Variants in SYT1 observed in about 807,000 individuals in gnomAD.
The protein encoded by SYT1 is synaptotagmin-1.
A neutral mutation model predicts 44.8 loss-of-function variants in SYT1; 8 were observed. That is an observed-to-expected ratio of 0.18 (90% CI 0.10 to 0.32). SYT1 has a LOEUF of 0.32. Ranked by LOEUF, SYT1 falls within the 10% of genes least tolerant of loss-of-function variation. The pLI, the probability that SYT1 is intolerant of heterozygous loss-of-function variation, is 1.00. For missense variants in SYT1, 286 were observed against 509.3 expected, an observed-to-expected ratio of 0.56 and a Z score of 4.22; for synonymous variants, 154 against 188.8, an observed-to-expected ratio of 0.82 and a Z score of 1.51.
At chr12:79,153,968 T>C (rs1201468607) in intron 3 of SYT1, among the ~76,000 whole-genome samples, 5 of 152,106 alleles carry the variant, frequency 3.3e-5, no homozygotes, top group Non-Finnish European at 7.4e-5. Context: ...ATTAAAGAAC[T>C]ATGAAAACCA....
intron 2 of SYT1, among the ~76,000 whole-genome samples, chr12:78,996,046 T>C (rs1293331279): frequency 2.6e-5 from 4 of 152,172 alleles, no homozygotes; most frequent in Non-Finnish European, 4.4e-5. Context: ...ATGTCACTAA[T>C]AACCCAGGTC....
At chr12:79,085,746 A>T (rs1215148102) in intron 3 of SYT1, among the ~76,000 whole-genome samples, 2 of 152,176 alleles carry the variant, frequency 1.3e-5, no homozygotes, top group African/African-American at 4.8e-5. Flanking sequence ...TACAGCAGTT[A>T]TCAGGTCTGT....
intron 3 of SYT1, among the ~76,000 whole-genome samples, chr12:79,128,989 A>G (rs1299672566): frequency 1.3e-5 from 2 of 152,096 alleles, no homozygotes; most frequent in Non-Finnish European, 2.9e-5. Context: ...CAAAAAATAT[A>G]TATTTATATT....
At chr12:79,144,605 C>G (rs1397803876) in intron 3 of SYT1, among the ~76,000 whole-genome samples, 1 of 152,164 alleles carries the variant, frequency 6.6e-6, no homozygotes, top group Non-Finnish European at 1.5e-5. Flanking sequence ...GCAACAAGAC[C>G]CATCATCTGG....
intron 1 of SYT1, among the ~76,000 whole-genome samples, chr12:78,879,810 C>T (rs78373188): frequency 0.046 from 7,002 of 151,748 alleles, 215 homozygotes; most frequent in Non-Finnish European, 0.069. Flanking sequence ...TCATATTGTT[C>T]CTTTGTTCTG....
chr12:79,186,725 C>A (rs1294104049), intron 3 of SYT1, among the ~76,000 whole-genome samples: 1 of 152,012 alleles, frequency 6.6e-6, no homozygotes, highest in African/African-American at 2.4e-5. Context: ...TACCAGATTT[C>A]TCTTGAAATT....
intron 4 of SYT1, among the ~76,000 whole-genome samples, chr12:79,285,272 G>T (rs1303375747): frequency 6.6e-6 from 1 of 152,174 alleles, no homozygotes; most frequent in Non-Finnish European, 1.5e-5. Context: ...GTATTTTATA[G>T]ATGAGTAATA....
chr12:79,436,659 T>C (rs986641505), intron 9 of SYT1, among the ~76,000 whole-genome samples: 4 of 152,180 alleles, frequency 2.6e-5, no homozygotes, highest in African/African-American at 9.7e-5. Context: ...TTCTATGAAG[T>C]TAGCATAATT....
chr12:79,354,899 A>T (rs1039924789), intron 9 of SYT1, among the ~76,000 whole-genome samples: 1 of 152,168 alleles, frequency 6.6e-6, no homozygotes, highest in African/African-American at 2.4e-5. Context: ...CTATCATGAC[A>T]TGATTTCTTT....
rs916142431 is a variant in SYT1 at position 79,103,367 on chromosome 12, A to T, written c.-18+56005A>T. On this transcript the variant is annotated intron_variant, in intron 3 of 10. Transcript: ENST00000261205. Reference sequence around the variant, plus strand: ...AAGTGAAAGAGGAATGAAAATAGTGAACCAGTAAAATTCCAGAATAAGCAA... The same window carrying T: ...AAGTGAAAGAGGAATGAAAATAGTGTACCAGTAAAATTCCAGAATAAGCAA... 2.6e-5 allele frequency among the ~76,000 whole-genome samples: 4 copies of T among 152,244 alleles called. 1 individual carries two copies. Among genetic ancestry groups the T allele is most frequent in the Middle Eastern group, 3.4e-3 (1 of 292 alleles).
At chr12:79,339,219 T>G (rs1592980112) in intron 8 of SYT1, among the ~76,000 whole-genome samples, 4 of 152,314 alleles carry the variant, frequency 2.6e-5, no homozygotes, top group African/African-American at 9.6e-5. Context: ...GTATTTCTAG[T>G]TCTAGATCCT....
At chr12:78,916,280 G>C (rs528040345) in intron 1 of SYT1, among the ~76,000 whole-genome samples, 1 of 151,982 alleles carries the variant, frequency 6.6e-6, no homozygotes, top group Non-Finnish European at 1.5e-5. Flanking sequence ...TAAGCCAAAC[G>C]TATGGTTTCT....
rs1199546935 is a variant in SYT1, at chr12:79,449,384, G to A, written c.*260G>A. ...TAGAGCATGAATGAAATTATTTATTGTATCACACTGTTGTATATACCAGTA... is the reference window on the plus strand; with the variant it reads ...TAGAGCATGAATGAAATTATTTATTATATCACACTGTTGTATATACCAGTA... On this transcript the variant is annotated 3_prime_UTR_variant, in exon 11 of 11. Transcript: ENST00000261205. 6.5e-6 allele frequency: 3 copies of A among 461,936 alleles called. No homozygotes were observed. The highest frequency in any genetic ancestry group is 4.1e-5 in the East Asian group (1 of 24,642). 28.6% of individuals were successfully genotyped at this position (461,936 alleles called of 1,614,324 possible).
In SYT1 at chr12:79,444,106, G is replaced by T. The variant is rs1297570788; in HGVS notation, c.962G>T (p.Gly321Val). 6.2e-7 allele frequency: 1 copy of T among 1,613,372 alleles called. No homozygotes were observed. The part of the protein sequence containing the change: ...PYVKIHLMQN[G>V]KRLKKKKTTI... ...GTGAAGATTCATCTGATGCAGAATG[G>T]TAAGAGGCTGAAGAAGAAAAAGACA... The change falls in exon 10 of 11, where the codon GGT becomes GTT. Residue 321 changes from glycine to valine, a missense_variant. Around this residue, in one of 6 missense-constraint regions of SYT1, gnomAD observed 15 missense variants for 84.6 expected, o/e 0.18. Coordinates refer to ENST00000261205, the MANE Select transcript of SYT1 (RefSeq NM_005639.3).
intron 8 of SYT1, among the ~76,000 whole-genome samples, chr12:79,342,518 A>G (rs923085701): frequency 1.3e-5 from 2 of 152,210 alleles, no homozygotes; most frequent in African/African-American, 4.8e-5. Context: ...GGAGTGAGAT[A>G]CGATGCCTGT....
At chr12:79,271,229 AAT>A (rs999687101) in intron 4 of SYT1, among the ~76,000 whole-genome samples, 1 of 152,182 alleles carries the variant, frequency 6.6e-6, no homozygotes, top group Non-Finnish European at 1.5e-5. Flanking sequence ...TTACTTTTAA[AAT>A]ATATATATGT....
intron 8 of SYT1, among the ~76,000 whole-genome samples, chr12:79,348,886 G>T (rs777236353): frequency 8.3e-6 from 1 of 120,866 alleles, no homozygotes; most frequent in Non-Finnish European, 1.8e-5. Flanking sequence ...AAAGACAGAT[G>T]AAAAAAGACA....
chr12:79,423,658 T>A (rs1869256263), intron 9 of SYT1, among the ~76,000 whole-genome samples: 1 of 152,128 alleles, frequency 6.6e-6, no homozygotes, highest in Admixed American at 6.5e-5. Context: ...CTTAGTCTTA[T>A]CCCTGGACAC....
intron 1 of SYT1, among the ~76,000 whole-genome samples, chr12:78,867,723 A>G (rs1040725803): frequency 1.3e-5 from 2 of 152,010 alleles, no homozygotes; most frequent in African/African-American, 4.8e-5. Context: ...GTAGTTTTGA[A>G]CTTCATTTCA....
Sources: allele counts gnomAD v4.1 joint callset (sites outside exome capture counted in the v4.1 genomes callset), GRCh38; gene constraint gnomAD v4.1.1; regional missense constraint gnomAD v4.1.1; transcripts MANE v1.5; gene names NCBI Gene and HGNC (gene_info 2026-07-23, HGNC 2026-07-21).